Variants in CSTA observed in about 807,000 individuals in gnomAD.
CSTA encodes the protein cystatin-A.
CSTA carries 9 observed loss-of-function variants against 9.2 expected under a neutral mutation model. The observed-to-expected ratio is 0.97, with a 90% confidence interval of 0.59 to 1.70. The LOEUF (loss-of-function observed/expected upper bound fraction) is 1.70. CSTA is among the 40% of genes most tolerant of loss of function. CSTA has a pLI of 0.00. For missense variants in CSTA, 118 were observed against 113.1 expected (o/e 1.04, Z -0.20); for synonymous variants, 36 against 40.6 (o/e 0.89, Z 0.43).
intron 1 of CSTA, among the ~76,000 whole-genome samples, chr3:122,328,821 G>C (rs2075185254): frequency 6.7e-6 from 1 of 149,718 alleles, no homozygotes; most frequent in Admixed American, 6.6e-5. Context: ...GGCGCCTGTA[G>C]TCCCAGCTAC....
At chr3:122,341,403 T>A (rs750298101) in intron 2 of CSTA, 36 bp from the exon 3 acceptor site, 3 of 1,611,848 alleles carry the variant, frequency 1.9e-6, no homozygotes, top group Non-Finnish European at 2.5e-6. Context: ...TTTGAATGAA[T>A]CTCCTTTTGC....
intron 1 of CSTA, among the ~76,000 whole-genome samples, chr3:122,331,223 C>T (rs1051404279): frequency 4.0e-5 from 6 of 151,872 alleles, no homozygotes; most frequent in Admixed American, 6.6e-5. Context: ...GTCAGGACAC[C>T]GCACAAACAC....
chr3:122,326,112 G>T (rs1424094368), intron 1 of CSTA, among the ~76,000 whole-genome samples: 3 of 150,144 alleles, frequency 2.0e-5, no homozygotes, highest in Non-Finnish European at 4.5e-5. Context: ...TCAACTTTTT[G>T]AGTTCAAGCG....
chr3:122,329,630 T>C, intron 1 of CSTA, among the ~76,000 whole-genome samples: 1 of 152,210 alleles, frequency 6.6e-6, no homozygotes, highest in South Asian at 2.1e-4. Context: ...AGTAGGTGCA[T>C]TTCTTGTATA....
Position 122,333,533 on chromosome 3 carries a change from A to AAG in CSTA, c.67-4013_67-4012insGA, listed in dbSNP as rs2075216208. 4.3e-5 allele frequency among the ~76,000 whole-genome samples: 5 copies of AAG among 116,060 alleles called. No homozygotes were observed. In the South Asian group the frequency reaches 9.3e-4, roughly 22 times the overall value. The allele number at this position is 116,060 out of a possible 152,430, so 76.1% of individuals were successfully genotyped here. A position where few individuals can be genotyped will look rare whatever the true frequency, so the allele number is the denominator to read the frequency against. On this transcript the variant is annotated intron_variant, in intron 1 of 2. Coordinates refer to ENST00000264474, the MANE Select transcript of CSTA (RefSeq NM_005213.4). ...GAAAGAGAGAGAGAAGAAAGAAAGA[A>AAG]AAGAAAGAAGAAAGAAAGAAAGAAA...
intron 1 of CSTA, among the ~76,000 whole-genome samples, chr3:122,328,499 CAAAAAAAAA>C (rs34247215): frequency 7.0e-5 from 6 of 86,042 alleles, no homozygotes; most frequent in South Asian, 9.3e-4. Context: ...GATTCCATCT[CAAAAAAAAA>C]AAAAAAAAAA....
intron 1 of CSTA, among the ~76,000 whole-genome samples, chr3:122,328,953 A>C: frequency 6.6e-6 from 1 of 150,746 alleles, no homozygotes; most frequent in South Asian, 2.1e-4. Flanking sequence ...AAAGTAAAAA[A>C]AAATTAAAAA....
At chr3:122,329,431 T>G (rs1327472807) in intron 1 of CSTA, among the ~76,000 whole-genome samples, 1 of 152,056 alleles carries the variant, frequency 6.6e-6, no homozygotes, top group Non-Finnish European at 1.5e-5. Flanking sequence ...AATAGCCAGG[T>G]AGTACACGCC....
At chr3:122,336,540 A>AC (rs2075238259) in intron 1 of CSTA, among the ~76,000 whole-genome samples, 1 of 152,222 alleles carries the variant, frequency 6.6e-6, no homozygotes, top group African/African-American at 2.4e-5. Flanking sequence ...ATTCCAGATA[A>AC]TAAATGCACA....
chr3:122,326,552 A>C (rs2075171586), intron 1 of CSTA, among the ~76,000 whole-genome samples: 3 of 152,170 alleles, frequency 2.0e-5, no homozygotes, highest in South Asian at 4.1e-4. Context: ...AAGAGTTGGG[A>C]TCCTGTATAT....
At chr3:122,334,680 A>G (rs1242751516) in intron 1 of CSTA, among the ~76,000 whole-genome samples, 1 of 152,200 alleles carries the variant, frequency 6.6e-6, no homozygotes, top group Admixed American at 6.6e-5. Context: ...ACAGAAAAGA[A>G]TTGGGGTTGA....
intron 2 of CSTA, among the ~76,000 whole-genome samples, chr3:122,340,094 C>T (rs1559983246): frequency 6.6e-6 from 1 of 152,080 alleles, no homozygotes; most frequent in Non-Finnish European, 1.5e-5. Flanking sequence ...TCACAGTAAA[C>T]ATTTGATATA....
At chr3:122,339,159 G>A (rs2075251252) in intron 2 of CSTA, among the ~76,000 whole-genome samples, 1 of 152,164 alleles carries the variant, frequency 6.6e-6, no homozygotes, top group Non-Finnish European at 1.5e-5. Context: ...ACAAGCTTAG[G>A]TGTCAGAGTG....
At chr3:122,341,207 CTAGGATTACAGG>C (rs1166193812) in intron 2 of CSTA, among the ~76,000 whole-genome samples, 1 of 152,158 alleles carries the variant, frequency 6.6e-6, no homozygotes, top group East Asian at 1.9e-4. Flanking sequence ...TCCCAAAGTG[CTAGGATTACAGG>C]TGGGAGCCAC....
intron 1 of CSTA, among the ~76,000 whole-genome samples, chr3:122,333,214 G>A (rs1470905714): frequency 6.6e-6 from 1 of 152,170 alleles, no homozygotes; most frequent in Admixed American, 6.5e-5. Context: ...AGGACAGATA[G>A]AAATAAAAAC....
intron 2 of CSTA, 183 bp downstream of exon 2, chr3:122,337,831 T>C (rs1260476601): frequency 3.2e-6 from 2 of 624,120 alleles, no homozygotes; most frequent in African/African-American, 1.8e-5. Context: ...ATTTTTTTTC[T>C]TGTGAATTCA....
intron 1 of CSTA, among the ~76,000 whole-genome samples, chr3:122,332,497 A>G (rs978673805): frequency 1.3e-5 from 2 of 152,178 alleles, no homozygotes; most frequent in African/African-American, 2.4e-5. Context: ...TTTCTATTAA[A>G]TTAGGCACAG....
chr3:122,334,458 G>A (rs185045499), intron 1 of CSTA, among the ~76,000 whole-genome samples: 7 of 152,082 alleles, frequency 4.6e-5, no homozygotes, highest in Non-Finnish European at 8.8e-5. Context: ...GCCTGGGTGA[G>A]GGGGAGATTC....
intron 1 of CSTA, among the ~76,000 whole-genome samples, chr3:122,329,815 GA>G (rs1478215905): frequency 1.3e-5 from 2 of 152,186 alleles, no homozygotes; most frequent in Non-Finnish European, 2.9e-5. Context: ...TTTTGGACCA[GA>G]AAAGATGTTA....
Sources: allele counts gnomAD v4.1 joint callset (sites outside exome capture counted in the v4.1 genomes callset), GRCh38; gene constraint gnomAD v4.1.1; transcripts MANE v1.5; gene names NCBI Gene and HGNC (gene_info 2026-07-23, HGNC 2026-07-21).